TULP4: variants seen among roughly 807,000 people sequenced by gnomAD.
TULP4 encodes the protein TUB like protein 4, also known as tubby-related protein 4.
Under a neutral mutation model 129.0 loss-of-function variants are expected in TULP4, and 16 were observed. The observed-to-expected ratio is 0.12, with a 90% CI of 0.08 to 0.19. The LOEUF is 0.19. TULP4 is among the 10% of genes least tolerant of loss of function. The pLI is 1.00. For synonymous variants in TULP4, 998 were observed against 854.0 expected (o/e 1.17, Z -2.94); for missense variants, 1,842 against 2,059.1 (o/e 0.89, Z 2.04).
chr6:158,240,990 C>T lies in TULP4; in HGVS notation n.68+8687C>T, dbSNP rs546280432. Among the ~76,000 whole-genome samples, 15 of 137,350 alleles carry T rather than the reference C, an allele frequency of 1.1e-4. No homozygotes were observed. The East Asian group carries it at 1.3e-3, about 12-fold the overall frequency. 90.1% of individuals were successfully genotyped at this position (137,350 alleles called of 152,430 possible). ...GCGGAGGGGCTCCTCACTTCTCAGA[C>T]GGGGTGGTTGCCAGGCAGAGGGTCT... is the stretch of plus-strand genomic sequence containing the variant. On this transcript the variant is annotated intron_variant and non_coding_transcript_variant, in intron 1 of 1. Transcript: ENST00000620026.
chr6:158,429,440 C>T (rs968056167), intron 2 of TULP4, among the ~76,000 whole-genome samples: 10 of 152,166 alleles, frequency 6.6e-5, no homozygotes, highest in African/African-American at 1.2e-4. Flanking sequence ...TACCCGGCCC[C>T]GACTAATTCT....
intron 1 of TULP4, among the ~76,000 whole-genome samples, chr6:158,360,397 G>A (rs1299406651): frequency 6.6e-6 from 1 of 152,150 alleles, no homozygotes; most frequent in Non-Finnish European, 1.5e-5. Flanking sequence ...GCAGCCTCGA[G>A]TGCACATGTC....
intron 1 of TULP4, among the ~76,000 whole-genome samples, chr6:158,240,859 T>C: frequency 6.7e-6 from 1 of 148,984 alleles, no homozygotes; most frequent in Admixed American, 6.6e-5. Flanking sequence ...ACCCCCCACC[T>C]CCCTCCCGGA....
At chr6:158,481,336 TG>T in intron 8 of TULP4, 47 bp downstream of exon 8, 1 of 1,557,688 alleles carries the variant, frequency 6.4e-7, no homozygotes, top group Non-Finnish European at 8.8e-7. Context: ...CCTGTGGTCA[TG>T]GGCTGTTAAC....
intron 1 of TULP4, among the ~76,000 whole-genome samples, chr6:158,397,409 C>T (rs889189856): frequency 2.0e-4 from 30 of 152,154 alleles, no homozygotes; most frequent in African/African-American, 6.8e-4. Context: ...GTCCATTCTC[C>T]CTCTTCCTGG....
chr6:158,378,772 A>C (rs944219823), intron 1 of TULP4, among the ~76,000 whole-genome samples: 5 of 147,898 alleles, frequency 3.4e-5, no homozygotes, highest in African/African-American at 1.2e-4. Context: ...GGCATGCGCT[A>C]CCGCGCCTGG....
chr6:158,365,895 CTTTCTT>C (rs1780938832), intron 1 of TULP4, among the ~76,000 whole-genome samples: 4 of 78,306 alleles, frequency 5.1e-5, no homozygotes, highest in South Asian at 8.8e-4. Context: ...TTTTCTTTTT[CTTTCTT>C]TTTTTTTTTT....
At chr6:158,301,914 A>G (rs893654490) in intron 1 of TULP4, among the ~76,000 whole-genome samples, 1 of 152,236 alleles carries the variant, frequency 6.6e-6, no homozygotes, top group African/African-American at 2.4e-5. Flanking sequence ...TTTTGGAATC[A>G]TTTAAGGTTT....
At chr6:158,481,516 C>G in intron 8 of TULP4, 1 of 581,704 alleles carries the variant, frequency 1.7e-6, no homozygotes, top group Admixed American at 2.9e-5. Context: ...CAGTGGATAG[C>G]TGGGCGGTGG....
chr6:158,364,873 C>T (rs1055127005), intron 1 of TULP4, among the ~76,000 whole-genome samples: 1 of 152,060 alleles, frequency 6.6e-6, no homozygotes, highest in African/African-American at 2.4e-5. Context: ...AGTTGTGGGA[C>T]TACAGGCGCC....
At chr6:158,455,116 G>A (rs531544591) in intron 5 of TULP4, among the ~76,000 whole-genome samples, 1 of 22,452 alleles carries the variant, frequency 4.5e-5, no homozygotes, top group Non-Finnish European at 8.0e-5. Flanking sequence ...TGCCCAGGCC[G>A]GACTGCGGAC....
At chr6:158,454,960 A>ATT (rs1410858474) in intron 5 of TULP4, among the ~76,000 whole-genome samples, 2 of 151,710 alleles carry the variant, frequency 1.3e-5, no homozygotes, top group Non-Finnish European at 2.9e-5. Context: ...GTAGAAGGAT[A>ATT]TGTTAGGTAA....
At chr6:158,496,997 C>T (rs1169040619) in intron 11 of TULP4, among the ~76,000 whole-genome samples, 1 of 152,190 alleles carries the variant, frequency 6.6e-6, no homozygotes, top group Non-Finnish European at 1.5e-5. Context: ...AGACAAGGCA[C>T]ATGCCACCAT....
chr6:158,449,669 G>T (rs1284755726), intron 4 of TULP4, among the ~76,000 whole-genome samples: 1 of 152,118 alleles, frequency 6.6e-6, no homozygotes, highest in Non-Finnish European at 1.5e-5. Flanking sequence ...ATTTCTGTCT[G>T]TCCTCTTTAT....
At chr6:158,369,360 A>G (rs1777019331) in intron 1 of TULP4, among the ~76,000 whole-genome samples, 1 of 152,250 alleles carries the variant, frequency 6.6e-6, no homozygotes, top group South Asian at 2.1e-4. Context: ...TAATAGCTGG[A>G]TATGGTGGCA....
chr6:158,253,705 G>A (rs1778188599), intron 1 of TULP4, among the ~76,000 whole-genome samples: 1 of 152,014 alleles, frequency 6.6e-6, no homozygotes, highest in Admixed American at 6.6e-5. Context: ...AACATTTTCT[G>A]ACCTACAGAA....
chr6:158,320,822 G>T (rs1779609525), intron 1 of TULP4, among the ~76,000 whole-genome samples: 1 of 152,086 alleles, frequency 6.6e-6, no homozygotes, highest in South Asian at 2.1e-4. Flanking sequence ...CTGTAGCAAT[G>T]GTCTCACCTG....
At chr6:158,477,937 C>A (rs1779859502) in intron 6 of TULP4, among the ~76,000 whole-genome samples, 1 of 151,946 alleles carries the variant, frequency 6.6e-6, no homozygotes, top group South Asian at 2.1e-4. Context: ...TAAAAAAGAA[C>A]AAGATCATGT....
rs34867450 is a variant in TULP4, at chr6:158,320,432, ATT to A, written c.252+6181_252+6182del. ...TTGTACTGATTGTCATTTAACAGGA[ATT>A]TTTTTTTTTTTTTTTTACACAGAGT... On this transcript the variant is annotated intron_variant, in intron 1 of 13. Transcript: ENST00000367097. 1.3e-3 allele frequency among the ~76,000 whole-genome samples: 180 copies of A among 142,294 alleles called. 1 individual carries two copies. The East Asian group carries it at 0.013, about 10-fold the overall frequency. 93.4% of individuals were successfully genotyped at this position (142,294 alleles called of 152,430 possible).
Sources: gnomAD v4.1 joint callset for allele counts (sites outside exome capture counted in the v4.1 genomes callset) on GRCh38, gnomAD v4.1.1 for gene constraint, MANE v1.5 for transcripts, NCBI Gene and HGNC (gene_info 2026-07-23, HGNC 2026-07-21) for gene names.